Variants in AP2M1 observed in about 807,000 individuals in gnomAD.
The protein encoded by AP2M1 is adaptor related protein complex 2 subunit mu 1, also known as AP-2 complex subunit mu.
In AP2M1, 5 loss-of-function variants were observed where a neutral mutation model predicts 54.5. That is an observed-to-expected ratio of 0.09 (90% CI 0.05 to 0.19). AP2M1 has a LOEUF of 0.19. Ranked by LOEUF, AP2M1 falls within the 10% of genes least tolerant of loss-of-function variation. The pLI is 1.00. For missense variants in AP2M1, 178 were observed against 580.2 expected (o/e 0.31, Z 7.12); for synonymous variants, 186 against 208.2 (o/e 0.89, Z 0.92).
Position 184,182,650 on chromosome 3 carries a change from C to G in AP2M1, c.1062-107C>G, listed in dbSNP as rs1289097431. On this transcript the variant is annotated intron_variant, in intron 10 of 11. Transcript: ENST00000292807. This position sits in a 1 kb window ranked among gnomAD's most constrained non-coding sequence, Gnocchi z 5.5. Reference sequence around the variant, plus strand: ...AGGGTCCTGACCACTTCTCCTTGTTCTGGCACCTCCTGCAAGCTCCTGGGC... The same window carrying G: ...AGGGTCCTGACCACTTCTCCTTGTTGTGGCACCTCCTGCAAGCTCCTGGGC... 2 of 893,770 alleles carry G rather than the reference C, an allele frequency of 2.2e-6. No homozygotes were observed. Among genetic ancestry groups the G allele is most frequent in the Non-Finnish European group, 3.5e-6 (2 of 570,908 alleles). 55.4% of individuals were successfully genotyped at this position (893,770 alleles called of 1,614,324 possible).
At chr3:184,177,998 C>T in intron 2 of AP2M1, 1 of 653,076 alleles carries the variant, frequency 1.5e-6, no homozygotes, top group Non-Finnish European at 2.7e-6. Context: ...CTGTCTGAAC[C>T]TGGCTGGCTA....
Position 184,181,578 on chromosome 3 carries a change from A to G in AP2M1, c.708-118A>G, listed in dbSNP as rs2109031462. 4.3e-6 allele frequency: 6 copies of G among 1,405,774 alleles called. No homozygotes were observed. The highest frequency in any genetic ancestry group is 5.9e-6 in the Non-Finnish European group (6 of 1,021,458). 87.1% of individuals were successfully genotyped at this position (1,405,774 alleles called of 1,614,324 possible). ...CTCTGGGGCAGACCTCCGAGTCACA[A>G]AGCTGCATTCTAGCAGCTTTTCATA... On this transcript the variant is annotated intron_variant, in intron 7 of 11. Transcript: ENST00000292807. This position sits in a 1 kb window ranked among gnomAD's most constrained non-coding sequence, Gnocchi z 5.7.
rs761946127 is a variant in AP2M1 at position 184,179,005 on chromosome 3, G to A, written c.223G>A (p.Ala75Thr). The A allele has an allele frequency of 8.1e-6, 13 of 1,614,054 alleles. No individual in the cohort carries two copies. The highest frequency in any genetic ancestry group is 5.5e-5 in the South Asian group (5 of 91,088). The part of the protein sequence containing the change: ...LAAVTKQNVN[A>T]AMVFEFLYKM... ...AGCAGTCACCAAGCAGAATGTCAAC[G>A]CTGCCATGGTCTTCGAATTCCTCTA... is the stretch of plus-strand genomic sequence containing the variant. Residue 75 changes from alanine (A) to threonine (T), a missense_variant, in exon 3 of 12, where the codon GCT becomes ACT. Ala to Thr is a moderately conservative substitution (Grantham distance 58). Coordinates refer to ENST00000292807, the MANE Select transcript of AP2M1 (RefSeq NM_004068.4).
rs1359511757 is a variant in AP2M1 at position 184,181,346 on chromosome 3, C to T, written c.707+120C>T. 1.0e-5 allele frequency: 15 copies of T among 1,452,322 alleles called. No homozygotes were observed. Among genetic ancestry groups the T allele is most frequent in the South Asian group, 2.5e-5 (2 of 78,718 alleles). 90.0% of individuals were successfully genotyped at this position (1,452,322 alleles called of 1,614,324 possible). A position where few individuals can be genotyped will look rare whatever the true frequency, so the allele number is the denominator to read the frequency against. On this transcript the variant is annotated intron_variant, in intron 7 of 11. Transcript: ENST00000292807. The surrounding 1 kb of genome is among the most constrained non-coding windows in gnomAD (Gnocchi z 5.7). Reference sequence around the variant, plus strand: ...CTGTAATTGCAAACTCTGTTCCTGACGGTAAGCCTGGCTGTTCGCTCTTGA... The same window carrying T: ...CTGTAATTGCAAACTCTGTTCCTGATGGTAAGCCTGGCTGTTCGCTCTTGA...
At chr3:184,177,185 A>T in intron 2 of AP2M1, 118 bp downstream of exon 2, 1 of 1,015,900 alleles carries the variant, frequency 9.8e-7, no homozygotes, top group Non-Finnish European at 1.4e-6. Flanking sequence ...CCCTGGCTGC[A>T]CCCTGGAAGC....
rs1715150697 is a variant in AP2M1, at chr3:184,178,196, C to T, written c.75-661C>T. The T allele has an allele frequency of 6.5e-7, 1 of 1,535,938 alleles. No homozygotes were observed. Among genetic ancestry groups the T allele is most frequent in the East Asian group, 2.4e-5 (1 of 40,920 alleles). ...TTCTTGCTGGCGTCATTTCTCTCAT[C>T]CCATCTCATTGGCTGCCGTAGCAAT... On this transcript the variant is annotated intron_variant, in intron 2 of 11. Coordinates refer to ENST00000292807, the MANE Select transcript of AP2M1 (RefSeq NM_004068.4). The surrounding 1 kb of genome is among the most constrained non-coding windows in gnomAD (Gnocchi z 4.9).
Position 184,182,515 on chromosome 3 carries a change from G to GT in AP2M1, c.1062-241dup, listed in dbSNP as rs1715307277. Among the ~76,000 whole-genome samples, 1 of 152,092 alleles carries GT rather than the reference G, an allele frequency of 6.6e-6. No individual in the cohort carries two copies. The highest frequency in any genetic ancestry group is 1.5e-5 in the Non-Finnish European group (1 of 68,028). On this transcript the variant is annotated intron_variant, in intron 10 of 11. Coordinates refer to ENST00000292807, the MANE Select transcript of AP2M1 (RefSeq NM_004068.4). The surrounding 1 kb of genome is among the most constrained non-coding windows in gnomAD (Gnocchi z 5.5). ...AAAGGGAATACATTGCCTTTGTAATGTATCTGTGAAGCAGACAAAGCAAAC... is the reference window on the plus strand; with the variant it reads ...AAAGGGAATACATTGCCTTTGTAATGTTATCTGTGAAGCAGACAAAGCAAAC...
In AP2M1 at chr3:184,182,068, G is replaced by T; in HGVS notation, c.963+21G>T. The T allele has an allele frequency of 6.2e-7, 1 of 1,611,878 alleles. No individual in the cohort carries two copies. The highest frequency in any genetic ancestry group is 8.5e-7 in the Non-Finnish European group (1 of 1,178,524). On this transcript the variant is annotated intron_variant, in intron 9 of 11. Transcript: ENST00000292807. The surrounding 1 kb of genome is among the most constrained non-coding windows in gnomAD (Gnocchi z 5.5). ...TCGAGGTGAGGACAGGGGGCTCAAG[G>T]AGGAGGAAGAACTTGTCCCTAGGAA...
Position 184,180,599 on chromosome 3 carries a change from C to T in AP2M1, c.424-46C>T. 6 of 1,613,192 alleles carry T rather than the reference C, an allele frequency of 3.7e-6. No individual in the cohort carries two copies. The highest frequency in any genetic ancestry group is 5.1e-6 in the Non-Finnish European group (6 of 1,180,034). Reference sequence around the variant, plus strand: ...ATAGCTTTCTCCTCCTTTTCTGCCTCCCTTGCTGCTTCATGTGGGCACCTC... The same window carrying T: ...ATAGCTTTCTCCTCCTTTTCTGCCTTCCTTGCTGCTTCATGTGGGCACCTC... On this transcript the variant is annotated intron_variant, in intron 4 of 11. Coordinates refer to ENST00000292807, the MANE Select transcript of AP2M1 (RefSeq NM_004068.4). This position sits in a 1 kb window ranked among gnomAD's most constrained non-coding sequence, Gnocchi z 4.9.
rs763658618 is a variant in AP2M1, at chr3:184,176,974, G to A, written c.-20G>A. The A allele has an allele frequency of 1.9e-5, 30 of 1,613,010 alleles. No individual in the cohort carries two copies. Among genetic ancestry groups the A allele is most frequent in the Middle Eastern group, 1.7e-4 (1 of 6,060 alleles). On this transcript the variant is annotated 5_prime_UTR_variant, in exon 2 of 12. Coordinates refer to ENST00000292807, the MANE Select transcript of AP2M1 (RefSeq NM_004068.4). ...AGGTCTGTTCTCAGAGCGATGGGCCGCGGAGACTGATCTGCCGCCATGATT... is the reference window on the plus strand; with the variant it reads ...AGGTCTGTTCTCAGAGCGATGGGCCACGGAGACTGATCTGCCGCCATGATT...
rs1010505410 is a variant in AP2M1 at position 184,178,864 on chromosome 3, G to A, written c.82G>A (p.Ala28Thr). The change falls in exon 3 of 12, where the codon GCA (alanine) becomes ACA (threonine). Residue 28 changes from alanine (A) to threonine (T), a missense_variant. Transcript: ENST00000292807. The surrounding 1 kb of genome is among the most constrained non-coding windows in gnomAD (Gnocchi z 4.9). ...RVYRDDIGRN[A>T]VDAFRVNVIH... ...TGCACTCTTTTCCCTCAGGAGGAACGCAGTGGATGCCTTTCGGGTCAATGT... is the reference window on the plus strand; with the variant it reads ...TGCACTCTTTTCCCTCAGGAGGAACACAGTGGATGCCTTTCGGGTCAATGT... 6.2e-6 allele frequency: 10 copies of A among 1,613,812 alleles called. No individual in the cohort carries two copies. Among genetic ancestry groups the A allele is most frequent in the Middle Eastern group, 1.7e-4 (1 of 5,966 alleles).
At position 184,181,000 on chromosome 3, in the gene AP2M1, C is replaced by A. The variant is rs781609845; in HGVS notation, c.565+16C>A. The A allele has an allele frequency of 1.9e-6, 3 of 1,613,982 alleles. No individual in the cohort carries two copies. The highest frequency in any genetic ancestry group is 1.6e-4 in the Middle Eastern group (1 of 6,084). ...TCCCCACAAGGTGAGGTCCCTCTCACGACAAAGTTGGAGGGGGCCCAGGGC... is the reference window on the plus strand; with the variant it reads ...TCCCCACAAGGTGAGGTCCCTCTCAAGACAAAGTTGGAGGGGGCCCAGGGC... On this transcript the variant is annotated intron_variant, in intron 6 of 11. Coordinates refer to ENST00000292807, the MANE Select transcript of AP2M1 (RefSeq NM_004068.4). The surrounding 1 kb of genome is among the most constrained non-coding windows in gnomAD (Gnocchi z 4.9).
Position 184,182,933 on chromosome 3 carries a change from C to A in AP2M1, c.1173+65C>A. 1.5e-6 allele frequency: 2 copies of A among 1,376,428 alleles called. No homozygotes were observed. Among genetic ancestry groups the A allele is most frequent in the Middle Eastern group, 1.8e-4 (1 of 5,662 alleles). 85.3% of individuals were successfully genotyped at this position (1,376,428 alleles called of 1,614,324 possible). A position where few individuals can be genotyped will look rare whatever the true frequency, so the allele number is the denominator to read the frequency against. ...CTGGAAGACCTCTTAGAGATCATTCCGATAAACTGCTGCACCTTAGAGGTG... is the reference window on the plus strand; with the variant it reads ...CTGGAAGACCTCTTAGAGATCATTCAGATAAACTGCTGCACCTTAGAGGTG... On this transcript the variant is annotated intron_variant, in intron 11 of 11. Coordinates refer to ENST00000292807, the MANE Select transcript of AP2M1 (RefSeq NM_004068.4). This position sits in a 1 kb window ranked among gnomAD's most constrained non-coding sequence, Gnocchi z 5.5.
Position 184,181,647 on chromosome 3 carries a change from A to G in AP2M1, c.708-49A>G. The G allele has an allele frequency of 1.2e-6, 2 of 1,604,272 alleles. No homozygotes were observed. Among genetic ancestry groups the G allele is most frequent in the East Asian group, 2.2e-5 (1 of 44,682 alleles). Reference sequence around the variant, plus strand: ...GGGTGGAGTGGTCTCCCAGCATGACAGCTGTCATTCTCCTGTACCAATGAG... The same window carrying G: ...GGGTGGAGTGGTCTCCCAGCATGACGGCTGTCATTCTCCTGTACCAATGAG... On this transcript the variant is annotated intron_variant, in intron 7 of 11. Coordinates refer to ENST00000292807, the MANE Select transcript of AP2M1 (RefSeq NM_004068.4). This position sits in a 1 kb window ranked among gnomAD's most constrained non-coding sequence, Gnocchi z 5.7.
chr3:184,178,131 T>C lies in AP2M1; in HGVS notation c.75-726T>C. On this transcript the variant is annotated intron_variant, in intron 2 of 11. Transcript: ENST00000292807. The surrounding 1 kb of genome is among the most constrained non-coding windows in gnomAD (Gnocchi z 4.9). ...GGTGTGTGCCGCCCTCCCGGTGTGT[T>C]GTGTGTCTAACCCTCTCTCTCGTTG... 6.9e-7 allele frequency: 1 copy of C among 1,445,632 alleles called. No individual in the cohort carries two copies. The highest frequency in any genetic ancestry group is 9.4e-7 in the Non-Finnish European group (1 of 1,064,498). The allele number at this position is 1,445,632 out of a possible 1,614,324, so 89.6% of individuals were successfully genotyped here. A position where few individuals can be genotyped will look rare whatever the true frequency, so the allele number is the denominator to read the frequency against.
At position 184,180,407 on chromosome 3, in the gene AP2M1, T is replaced by C; in HGVS notation, c.423+156T>C. ...ATGATTGCAGGCCGATTTTGCTCTGTGTGGTCCTCCCACTGCAGGAGCAGC... is the reference window on the plus strand; with the variant it reads ...ATGATTGCAGGCCGATTTTGCTCTGCGTGGTCCTCCCACTGCAGGAGCAGC... On this transcript the variant is annotated intron_variant, in intron 4 of 11. Coordinates refer to ENST00000292807, the MANE Select transcript of AP2M1 (RefSeq NM_004068.4). This position sits in a 1 kb window ranked among gnomAD's most constrained non-coding sequence, Gnocchi z 4.9. 1.0e-5 allele frequency: 11 copies of C among 1,090,548 alleles called. No homozygotes were observed. The highest frequency in any genetic ancestry group is 1.3e-5 in the Non-Finnish European group (10 of 757,508). The allele number at this position is 1,090,548 out of a possible 1,614,324, so 67.6% of individuals were successfully genotyped here.
intron 2 of AP2M1, 34 bp downstream of exon 2, chr3:184,177,101 C>A: frequency 6.3e-7 from 1 of 1,597,414 alleles, no homozygotes; most frequent in South Asian, 1.1e-5. Context: ...TGTGCCCCAC[C>A]ACTCCAGCCC....
chr3:184,175,751 G>A (rs1257192877), intron 1 of AP2M1, among the ~76,000 whole-genome samples: 4 of 152,056 alleles, frequency 2.6e-5, no homozygotes, highest in Non-Finnish European at 5.9e-5. Flanking sequence ...GTTCTCGGGT[G>A]CCCTTCGCTA....
chr3:184,182,062 C>T lies in AP2M1; in HGVS notation c.963+15C>T, dbSNP rs1335898103. The T allele has an allele frequency of 1.9e-6, 3 of 1,612,248 alleles. No homozygotes were observed. Among genetic ancestry groups the T allele is most frequent in the Non-Finnish European group, 2.5e-6 (3 of 1,178,798 alleles). On this transcript the variant is annotated intron_variant, in intron 9 of 11. Transcript: ENST00000292807. The surrounding 1 kb of genome is among the most constrained non-coding windows in gnomAD (Gnocchi z 5.5). ...AGAAGATCGAGGTGAGGACAGGGGG[C>T]TCAAGGAGGAGGAAGAACTTGTCCC...
Sources: allele counts gnomAD v4.1 joint callset (sites outside exome capture counted in the v4.1 genomes callset), GRCh38; gene constraint gnomAD v4.1.1; non-coding constraint Gnocchi (gnomAD v3.1); transcripts MANE v1.5; gene names NCBI Gene and HGNC (gene_info 2026-07-23, HGNC 2026-07-21).